Variants in LRSAM1 observed in about 807,000 individuals in gnomAD.
LRSAM1 encodes the protein leucine rich repeat and sterile alpha motif containing 1.
Under a neutral mutation model 118.1 loss-of-function variants are expected in LRSAM1, and 96 were observed. The ratio of observed to expected loss-of-function variants is 0.81; its 90% CI spans 0.69 to 0.96. The LOEUF is 0.96. Ranked by LOEUF, LRSAM1 falls within the 40% of genes least tolerant of loss-of-function variation. The pLI is 0.00. For synonymous variants in LRSAM1, 322 were observed against 364.2 expected, an observed-to-expected ratio of 0.88 and a Z score of 1.32; for missense variants, 804 against 915.5, an observed-to-expected ratio of 0.88 and a Z score of 1.57.
At chr9:127,477,654 G>A (rs1265778608) in intron 11 of LRSAM1, among the ~76,000 whole-genome samples, 1 of 152,198 alleles carries the variant, frequency 6.6e-6, no homozygotes, top group Non-Finnish European at 1.5e-5. Context: ...GGAGGCTGAG[G>A]TGGGAGGATC....
In LRSAM1 at chr9:127,459,217, G is replaced by GT. The variant is rs373307015; in HGVS notation, c.321+163dup. On this transcript the variant is annotated intron_variant, in intron 7 of 25. Transcript: ENST00000300417. ...TCCACCCTCCCCTTGGCCCTTTGGG[G>GT]TTTTTTTTTTTTTTTTTGAGGCAGT... 0.35 allele frequency: 199,479 copies of GT among 568,426 alleles called. 11,464 individuals carry two copies. The highest frequency in any genetic ancestry group is 0.37 in the Non-Finnish European group (120,730 of 324,628). The allele number at this position is 568,426 out of a possible 1,614,324, so 35.2% of individuals were successfully genotyped here.
chr9:127,455,109 C>T (rs1461463519), intron 4 of LRSAM1, 55 bp downstream of exon 4: 6 of 1,563,008 alleles, frequency 3.8e-6, no homozygotes, highest in Non-Finnish European at 1.8e-6. Flanking sequence ...TTTCTTGGAT[C>T]TTGTGTCCCT....
intron 24 of LRSAM1, among the ~76,000 whole-genome samples, chr9:127,497,856 G>A (rs977331278): frequency 1.3e-5 from 2 of 152,238 alleles, no homozygotes; most frequent in African/African-American, 2.4e-5. Flanking sequence ...CCTGCCCACC[G>A]CTGTGCATGA....
At chr9:127,481,063 A>C in intron 14 of LRSAM1, 120 bp from the exon 15 acceptor site, 1 of 986,234 alleles carries the variant, frequency 1.0e-6, no homozygotes, top group Non-Finnish European at 1.6e-6. Context: ...CCAGAGCTTC[A>C]AGGTGGTGGA....
intron 10 of LRSAM1, among the ~76,000 whole-genome samples, chr9:127,469,882 G>A (rs973882084): frequency 2.0e-5 from 3 of 151,328 alleles, no homozygotes; most frequent in Admixed American, 1.3e-4. Flanking sequence ...GGAGAATGGC[G>A]TGAACCCGGG....
At chr9:127,480,546 C>T (rs983362525) in intron 14 of LRSAM1, among the ~76,000 whole-genome samples, 7 of 152,176 alleles carry the variant, frequency 4.6e-5, no homozygotes, top group Non-Finnish European at 7.3e-5. Flanking sequence ...CTGAATCACT[C>T]GTTCCTCCCT....
intron 24 of LRSAM1, 146 bp from the exon 25 acceptor site, chr9:127,500,864 G>A (rs1836359723): frequency 1.9e-6 from 2 of 1,071,980 alleles, no homozygotes; most frequent in Non-Finnish European, 2.8e-6. Flanking sequence ...GTGTGGCAAG[G>A]AGAGCACTTC....
In LRSAM1 at chr9:127,495,426, C is replaced by T. The variant is rs780200210; in HGVS notation, c.1698+8C>T. The T allele has an allele frequency of 2.5e-6, 4 of 1,612,604 alleles. No individual in the cohort carries two copies. The South Asian group carries it at 4.4e-5, about 18-fold the overall frequency. On this transcript the variant is annotated splice_region_variant and intron_variant, in intron 22 of 25. Transcript: ENST00000300417. ...TTGTCCTTGAAGCTGCAAGTAAGGA[C>T]TGCTGGTGCCTGTCCCGGCCAGGGA...
intron 10 of LRSAM1, chr9:127,470,977 A>G (rs925688091): frequency 6.6e-6 from 1 of 151,872 alleles, no homozygotes; most frequent in Non-Finnish European, 1.5e-5. Flanking sequence ...GCTGCACTTG[A>G]CTAATCTTAA....
rs746774733 is a variant in LRSAM1 at position 127,497,354 on chromosome 9, C to T, written c.1912+20C>T. The T allele has an allele frequency of 4.4e-6, 7 of 1,607,982 alleles. No individual in the cohort carries two copies. The highest frequency in any genetic ancestry group is 1.3e-5 in the African/African-American group (1 of 74,896). ...AGCCAGGTACAAGCACAGCTCCAGC[C>T]TCTTCCAGGCAGGGCTCCAGCCGTA... On this transcript the variant is annotated intron_variant, in intron 24 of 25. Coordinates refer to ENST00000300417, the MANE Select transcript of LRSAM1 (RefSeq NM_001005373.4).
chr9:127,492,667 G>C (rs541604436), intron 20 of LRSAM1, 135 bp from the exon 21 acceptor site: 1 of 784,378 alleles, frequency 1.3e-6, no homozygotes, highest in Non-Finnish European at 2.2e-6. Flanking sequence ...TCTTAGCTTT[G>C]TCCCCCAACG....
At chr9:127,469,596 T>A (rs1835087764) in intron 10 of LRSAM1, among the ~76,000 whole-genome samples, 1 of 144,912 alleles carries the variant, frequency 6.9e-6, no homozygotes, top group South Asian at 2.2e-4. Flanking sequence ...ACAAACCCAC[T>A]AAAATGGCCA....
intron 11 of LRSAM1, among the ~76,000 whole-genome samples, chr9:127,477,336 T>C (rs1164770502): frequency 1.3e-5 from 2 of 152,222 alleles, no homozygotes; most frequent in South Asian, 2.1e-4. Context: ...TGAAGATTAA[T>C]TTTAAAATTA....
chr9:127,486,098 C>G (rs558220413), intron 17 of LRSAM1, among the ~76,000 whole-genome samples: 12 of 152,382 alleles, frequency 7.9e-5, no homozygotes, highest in Non-Finnish European at 1.5e-4. Flanking sequence ...AAGCGATGAA[C>G]CACATTCGCT....
At chr9:127,459,805 C>T (rs1310274299) in intron 7 of LRSAM1, among the ~76,000 whole-genome samples, 2 of 152,172 alleles carry the variant, frequency 1.3e-5, no homozygotes, top group African/African-American at 2.4e-5. Context: ...GTGATCCACC[C>T]GTCTTGGCCT....
At chr9:127,474,032 C>G in intron 11 of LRSAM1, 101 bp downstream of exon 11, 2 of 1,551,114 alleles carry the variant, frequency 1.3e-6, no homozygotes, top group South Asian at 2.3e-5. Flanking sequence ...TGGTTCAGAG[C>G]TGCAGCTCCC....
intron 14 of LRSAM1, among the ~76,000 whole-genome samples, chr9:127,480,399 A>G (rs972515003): frequency 6.6e-6 from 1 of 152,158 alleles, no homozygotes; most frequent in Admixed American, 6.5e-5. Flanking sequence ...AGCTAGTAAG[A>G]GCAGATCTTG....
At chr9:127,496,733 TTC>T (rs1836160814) in intron 23 of LRSAM1, among the ~76,000 whole-genome samples, 1 of 152,152 alleles carries the variant, frequency 6.6e-6, no homozygotes, top group Admixed American at 6.5e-5. Flanking sequence ...AGAGTTCGTG[TTC>T]TTTTTCATGA....
rs866892723 is a variant in LRSAM1 at position 127,487,747 on chromosome 9, GC to G, written c.1333del (p.Gln445ArgfsTer18). On this transcript the variant is annotated frameshift_variant, in exon 18 of 26. Coordinates refer to ENST00000300417, the MANE Select transcript of LRSAM1 (RefSeq NM_001005373.4). LOFTEE classifies it high-confidence loss of function. ...CAAATGGATCAGAACAAAGCCATCA[GC>G]CAGATCCTGCAGGAGGTGAGCCCTC... is the stretch of plus-strand genomic sequence containing the variant. Reference protein sequence around the residue: ...WQQMDQNKAISQILQESAMQK... With the variant: ...WQQMDQNKAIXQILQESAMQK... 3.1e-6 allele frequency: 5 copies of G among 1,612,896 alleles called. No individual in the cohort carries two copies. In the African/African-American group the frequency reaches 6.7e-5, roughly 22 times the overall value.
Sources: allele counts gnomAD v4.1 joint callset (sites outside exome capture counted in the v4.1 genomes callset), GRCh38; gene constraint gnomAD v4.1.1; transcripts MANE v1.5; gene names NCBI Gene and HGNC (gene_info 2026-07-23, HGNC 2026-07-21).